Variants in NRDC observed in about 807,000 individuals in gnomAD.
NRDC encodes nardilysin.
A neutral mutation model predicts 147.1 loss-of-function variants in NRDC; 54 were observed. The observed-to-expected ratio is 0.37, with a 90% CI of 0.29 to 0.46. The LOEUF (loss-of-function observed/expected upper bound fraction) is 0.46. NRDC is among the 20% of genes least tolerant of loss of function. The pLI, the probability that NRDC is intolerant of heterozygous loss-of-function variation, is 1.00. For synonymous variants in NRDC, 440 were observed against 482.1 expected, an observed-to-expected ratio of 0.91 and a Z score of 1.14; for missense variants, 1,082 against 1,370.6, an observed-to-expected ratio of 0.79 and a Z score of 3.33.
At chr1:51,847,875 G>A (rs1335275408) in intron 1 of NRDC, among the ~76,000 whole-genome samples, 2 of 152,252 alleles carry the variant, frequency 1.3e-5, no homozygotes, top group Non-Finnish European at 2.9e-5. Flanking sequence ...CCGAGGCCGA[G>A]GAGGCGCCAA....
intron 1 of NRDC, chr1:51,862,251 C>T (rs1199704878): frequency 6.6e-6 from 1 of 151,950 alleles, no homozygotes; most frequent in African/African-American, 2.4e-5. Context: ...AGGGCTTTCC[C>T]CCCCGCCAAT....
intron 8 of NRDC, among the ~76,000 whole-genome samples, chr1:51,821,228 T>A (rs1369700759): frequency 6.6e-6 from 1 of 152,150 alleles, no homozygotes; most frequent in Non-Finnish European, 1.5e-5. Flanking sequence ...AGAAAAGCTC[T>A]AAATAAATGT....
chr1:51,807,010 G>A, intron 17 of NRDC, 97 bp from the exon 18 acceptor site: 31 of 1,441,736 alleles, frequency 2.2e-5, no homozygotes, highest in Admixed American at 5.1e-5. Flanking sequence ...TTTTCTCTGT[G>A]GCAAAAATAA....
Position 51,792,657 on chromosome 1 carries a change from G to A in NRDC, c.2776-233C>T, listed in dbSNP as rs569866705. The stretch of plus-strand genomic sequence containing the variant: ...TCCCGGCACTAGCATAGAATTGCAG[G>A]TGCAAACAAAGGTGAGATTAATAAT... On this transcript the variant is annotated intron_variant, in intron 24 of 30. Coordinates refer to ENST00000352171, the MANE Select transcript of NRDC (RefSeq NM_001101662.2). Among the ~76,000 whole-genome samples, 59 of 152,254 alleles carry A rather than the reference G, an allele frequency of 3.9e-4. 1 individual carries two copies. Among genetic ancestry groups the A allele is most frequent in the African/African-American group, 1.4e-3 (57 of 41,536 alleles).
chr1:51,798,134 G>A, intron 22 of NRDC, 115 bp downstream of exon 22: 1 of 1,045,176 alleles, frequency 9.6e-7, no homozygotes, highest in East Asian at 2.4e-5. Flanking sequence ...CTTCTAAACA[G>A]AATATGATAA....
intron 4 of NRDC, among the ~76,000 whole-genome samples, chr1:51,830,475 T>C (rs1468156065): frequency 6.6e-6 from 1 of 152,170 alleles, no homozygotes; most frequent in Non-Finnish European, 1.5e-5. Context: ...GCATCTTCCT[T>C]TTGAGATGCC....
Position 51,878,531 on chromosome 1 carries a change from C to A in NRDC, c.85G>T (p.Gly29Ter), listed in dbSNP as rs1571936685. 6.2e-7 allele frequency: 1 copy of A among 1,613,612 alleles called. No homozygotes were observed. Among genetic ancestry groups the A allele is most frequent in the African/African-American group, 1.3e-5 (1 of 74,912 alleles). ...TCGCACCGACCCCGCGTTTCGATTC[C>A]CCAGAGCGCCGCGAGCTCCCGCCCG... ...EAGRELAALWGIETRGRCEDS... is the reference protein window; with the variant it reads ...EAGRELAALW The change falls in exon 1 of 31, where the codon GGA becomes TGA. Residue 29 changes from glycine (G) to a stop codon, truncating the protein, a stop_gained. Transcript: ENST00000352171. LOFTEE classifies it high-confidence loss of function.
At chr1:51,789,942 A>T (rs997160598) in intron 29 of NRDC, 4 of 392,492 alleles carry the variant, frequency 1.0e-5, no homozygotes. Context: ...CCTTAGTGTC[A>T]CCTCCCAATT....
intron 20 of NRDC, 59 bp from the exon 21 acceptor site, chr1:51,800,742 G>A: frequency 6.5e-7 from 1 of 1,548,086 alleles, no homozygotes; most frequent in Non-Finnish European, 8.8e-7. Context: ...GTATTAGGGA[G>A]GGAAATGTTT....
chr1:51,792,346 G>A (rs1302375083), intron 25 of NRDC, 31 bp downstream of exon 25: 1 of 1,612,278 alleles, frequency 6.2e-7, no homozygotes, highest in Non-Finnish European at 8.5e-7. Flanking sequence ...AGGGGCTGCT[G>A]AAAACCTCAG....
intron 1 of NRDC, among the ~76,000 whole-genome samples, chr1:51,865,975 C>A (rs1054714151): frequency 2.2e-4 from 33 of 151,874 alleles, no homozygotes; most frequent in African/African-American, 7.7e-4. Flanking sequence ...AGAAGAATTA[C>A]TAGAACCCAG....
intron 11 of NRDC, among the ~76,000 whole-genome samples, chr1:51,815,182 CTTTTTTTTTTTT>C (rs869244434): frequency 8.0e-6 from 1 of 125,560 alleles, no homozygotes; most frequent in Non-Finnish European, 1.7e-5. Context: ...ACCTTTTTTT[CTTTTTTTTTTTT>C]TTTTTTTTTA....
intron 1 of NRDC, among the ~76,000 whole-genome samples, chr1:51,849,514 C>G (rs1161278960): frequency 6.6e-6 from 1 of 152,014 alleles, no homozygotes; most frequent in Non-Finnish European, 1.5e-5. Context: ...ACAAAAATGC[C>G]AAGAACATTT....
intron 17 of NRDC, among the ~76,000 whole-genome samples, chr1:51,808,049 G>A (rs1039776404): frequency 6.6e-6 from 1 of 152,020 alleles, no homozygotes; most frequent in African/African-American, 2.4e-5. Context: ...CAGGTGATGT[G>A]CCTGCCTTGG....
chr1:51,848,879 T>C (rs934763680), intron 1 of NRDC, among the ~76,000 whole-genome samples: 1 of 152,200 alleles, frequency 6.6e-6, no homozygotes, highest in African/African-American at 2.4e-5. Context: ...CCCAACCTTA[T>C]TGTGGCTTAG....
chr1:51,841,986 C>T lies in NRDC; in HGVS notation c.342-1472G>A, dbSNP rs141020344. Among the ~76,000 whole-genome samples, 309 of 152,190 alleles carry T rather than the reference C, an allele frequency of 2.0e-3. 3 individuals are homozygous for T. Among genetic ancestry groups the T allele is most frequent in the Non-Finnish European group, 2.5e-3 (172 of 67,998 alleles). On this transcript the variant is annotated intron_variant, in intron 1 of 30. Transcript: ENST00000352171. ...TCAGGAGTTCAAGACCAGCAGGCAACGTAGCGAAACCTCATTTCTACAAAA... is the reference window on the plus strand; with the variant it reads ...TCAGGAGTTCAAGACCAGCAGGCAATGTAGCGAAACCTCATTTCTACAAAA...
At chr1:51,851,061 C>T (rs2149234903) in intron 1 of NRDC, among the ~76,000 whole-genome samples, 1 of 152,296 alleles carries the variant, frequency 6.6e-6, no homozygotes, top group Non-Finnish European at 1.5e-5. Context: ...CCCAATCCAG[C>T]AGCTGCCTGA....
rs1368818322 is a variant in NRDC at position 51,812,114 on chromosome 1, T to C, written c.1675-16A>G. On this transcript the variant is annotated splice_polypyrimidine_tract_variant and intron_variant, in intron 14 of 30. Transcript: ENST00000352171. ...CTGGATCTGTCTGTAAAGAGGTAAA[T>C]TATTTCACACCAGAACTTCTCCATT... 3.9e-6 allele frequency: 6 copies of C among 1,530,890 alleles called. No individual in the cohort carries two copies. The East Asian group carries it at 1.1e-4, about 29-fold the overall frequency. The allele number at this position is 1,530,890 out of a possible 1,614,324, so 94.8% of individuals were successfully genotyped here. A position where few individuals can be genotyped will look rare whatever the true frequency, so the allele number is the denominator to read the frequency against.
At chr1:51,839,632 T>G (rs1369603644) in intron 2 of NRDC, among the ~76,000 whole-genome samples, 1 of 152,226 alleles carries the variant, frequency 6.6e-6, no homozygotes, top group African/African-American at 2.4e-5. Context: ...TGTTACATAT[T>G]AAATAAGCTT....
Sources: allele counts gnomAD v4.1 joint callset (sites outside exome capture counted in the v4.1 genomes callset), GRCh38; gene constraint gnomAD v4.1.1; transcripts MANE v1.5; gene names NCBI Gene and HGNC (gene_info 2026-07-23, HGNC 2026-07-21).